The following CADPS2 variants were observed in gnomAD, a reference collection of about 807,000 sequenced individuals.
CADPS2 encodes calcium dependent secretion activator 2.
A neutral mutation model predicts 172.5 loss-of-function variants in CADPS2; 93 were observed. That is an observed-to-expected ratio of 0.54 (90% CI 0.46 to 0.64). The LOEUF is 0.64. Among genes scored for constraint, CADPS2 ranks in the 30% least tolerant of loss-of-function variants. The pLI, the probability that CADPS2 is intolerant of heterozygous loss-of-function variation, is 0.00. For synonymous variants in CADPS2, 546 were observed against 555.2 expected (o/e 0.98, Z 0.23); for missense variants, 1,420 against 1,565.9 (o/e 0.91, Z 1.57).
intron 1 of CADPS2, among the ~76,000 whole-genome samples, chr7:122,767,101 TTAAA>T (rs1330161896): frequency 2.6e-5 from 4 of 152,180 alleles, no homozygotes; most frequent in Non-Finnish European, 4.4e-5. Context: ...TTTAGTGCAA[TTAAA>T]TAGATTGTTT....
chr7:122,583,567 T>C lies in CADPS2; in HGVS notation c.1224-2277A>G, dbSNP rs560351221. The stretch of plus-strand genomic sequence containing the variant: ...CATATTTATTAGACACACACATAAA[T>C]ATATCAGAATATATGTGTGTGTATA... On this transcript the variant is annotated intron_variant, in intron 6 of 29. Coordinates refer to ENST00000449022, the MANE Select transcript of CADPS2 (RefSeq NM_017954.11). Among the ~76,000 whole-genome samples the C allele has an allele frequency of 7.3e-5, 11 of 151,462 alleles. No homozygotes were observed. In the South Asian group the frequency reaches 2.3e-3, roughly 31 times the overall value.
In CADPS2 at chr7:122,361,103, C is replaced by T. The variant is rs200486960; in HGVS notation, c.3388-90G>A. On this transcript the variant is annotated intron_variant, in intron 25 of 29. Transcript: ENST00000449022. ...CAATTCCTGAATCAATTTCTTCCAT[C>T]GCACAAAAATTCACAATGAATGAAC... The T allele has an allele frequency of 5.3e-5, 58 of 1,092,200 alleles. No individual in the cohort carries two copies. The East Asian group carries it at 5.3e-4, about 10-fold the overall frequency. The allele number at this position is 1,092,200 out of a possible 1,614,324, so 67.7% of individuals were successfully genotyped here.
intron 15 of CADPS2, among the ~76,000 whole-genome samples, chr7:122,450,077 A>G (rs1230482779): frequency 6.6e-6 from 1 of 152,214 alleles, no homozygotes; most frequent in Non-Finnish European, 1.5e-5. Context: ...AAGAATAATA[A>G]TGAGGCAATA....
intron 9 of CADPS2, among the ~76,000 whole-genome samples, chr7:122,503,353 G>C (rs2130518846): frequency 6.6e-6 from 1 of 152,218 alleles, no homozygotes; most frequent in Middle Eastern, 3.4e-3. Context: ...TTCAATGATT[G>C]CAAGTAGATA....
intron 2 of CADPS2, among the ~76,000 whole-genome samples, chr7:122,730,640 T>G (rs1318815658): frequency 1.3e-5 from 2 of 151,716 alleles, no homozygotes; most frequent in East Asian, 3.9e-4. Flanking sequence ...GTCATATAAA[T>G]CAGATTCCAG....
chr7:122,463,882 G>A (rs1447127603), intron 14 of CADPS2, among the ~76,000 whole-genome samples: 2 of 152,164 alleles, frequency 1.3e-5, no homozygotes, highest in Non-Finnish European at 2.9e-5. Flanking sequence ...TAAAGATAAG[G>A]AAGAAAAGCA....
chr7:122,325,088 T>C (rs2033543318), intron 29 of CADPS2, among the ~76,000 whole-genome samples: 1 of 152,122 alleles, frequency 6.6e-6, no homozygotes, highest in Non-Finnish European at 1.5e-5. Context: ...CTCTCCTTAT[T>C]CTTCTGGCAA....
chr7:122,651,807 T>C (rs1253002814), intron 3 of CADPS2, among the ~76,000 whole-genome samples: 1 of 152,190 alleles, frequency 6.6e-6, no homozygotes, highest in East Asian at 1.9e-4. Flanking sequence ...AGTTACTTAA[T>C]CATTTTAAGA....
At position 122,886,345 on chromosome 7, in the gene CADPS2, G is replaced by A. The variant is rs988297020; in HGVS notation, c.-8C>T. 2 of 1,492,008 alleles carry A rather than the reference G, an allele frequency of 1.3e-6. No individual in the cohort carries two copies. The highest frequency in any genetic ancestry group is 1.8e-6 in the Non-Finnish European group (2 of 1,129,744). The allele number at this position is 1,492,008 out of a possible 1,614,324, so 92.4% of individuals were successfully genotyped here. A position where few individuals can be genotyped will look rare whatever the true frequency, so the allele number is the denominator to read the frequency against. On this transcript the variant is annotated 5_prime_UTR_variant, in exon 1 of 30. Transcript: ENST00000449022. ...GGAAGACGGGTCCAGCATGGTGCTCGGGGATCCCCGCCGCTCGGCCCGCGG... is the reference window on the plus strand; with the variant it reads ...GGAAGACGGGTCCAGCATGGTGCTCAGGGATCCCCGCCGCTCGGCCCGCGG...
intron 1 of CADPS2, among the ~76,000 whole-genome samples, chr7:122,851,281 G>A (rs190629618): frequency 1.3e-3 from 196 of 152,184 alleles, no homozygotes; most frequent in Non-Finnish European, 2.1e-3. Flanking sequence ...TGTTCAACTG[G>A]GCCACTGAGG....
intron 25 of CADPS2, among the ~76,000 whole-genome samples, chr7:122,364,755 C>T (rs2040641060): frequency 6.6e-6 from 1 of 150,924 alleles, no homozygotes; most frequent in African/African-American, 2.4e-5. Flanking sequence ...CAATAAGTGT[C>T]ATTTTGTTTT....
intron 1 of CADPS2, among the ~76,000 whole-genome samples, chr7:122,802,774 G>A (rs1797937342): frequency 6.6e-6 from 1 of 152,006 alleles, no homozygotes; most frequent in South Asian, 2.1e-4. Flanking sequence ...AACCTACAGA[G>A]CCAAAGAATT....
At chr7:122,805,508 C>T (rs1798605833) in intron 1 of CADPS2, among the ~76,000 whole-genome samples, 1 of 152,088 alleles carries the variant, frequency 6.6e-6, no homozygotes, top group Admixed American at 6.6e-5. Flanking sequence ...AGTTTAGGTC[C>T]AGATGAGTAA....
At chr7:122,531,063 A>G (rs1415875595) in intron 8 of CADPS2, among the ~76,000 whole-genome samples, 2 of 152,218 alleles carry the variant, frequency 1.3e-5, no homozygotes, top group Non-Finnish European at 2.9e-5. Context: ...ATTTAAAGTC[A>G]GCAATCTTGA....
chr7:122,640,775 A>G (rs1025004928), intron 3 of CADPS2, among the ~76,000 whole-genome samples: 13 of 152,086 alleles, frequency 8.5e-5, no homozygotes, highest in Admixed American at 8.5e-4. Flanking sequence ...ACTAAAAAAA[A>G]TACAAAAAAT....
intron 11 of CADPS2, among the ~76,000 whole-genome samples, chr7:122,485,595 T>C (rs2057728572): frequency 6.6e-6 from 1 of 152,156 alleles, no homozygotes; most frequent in Admixed American, 6.5e-5. Context: ...AAAGAAGCCA[T>C]CTCTATTACA....
rs569713712 is a variant in CADPS2 at position 122,663,630 on chromosome 7, C to A, written c.454-61G>T. ...AATTACAATTAGGTGTAGATGCTAA[C>A]ACCACTTGCTTTCAGCAATCCAGCC... On this transcript the variant is annotated intron_variant, in intron 2 of 29. Transcript: ENST00000449022. 123 of 1,257,378 alleles carry A rather than the reference C, an allele frequency of 9.8e-5. 1 individual carries two copies. The African/African-American group carries it at 1.6e-3, about 16-fold the overall frequency. 77.9% of individuals were successfully genotyped at this position (1,257,378 alleles called of 1,614,324 possible). A position where few individuals can be genotyped will look rare whatever the true frequency, so the allele number is the denominator to read the frequency against.
chr7:122,784,736 T>C (rs1332321187), intron 1 of CADPS2, among the ~76,000 whole-genome samples: 1 of 152,106 alleles, frequency 6.6e-6, no homozygotes, highest in African/African-American at 2.4e-5. Flanking sequence ...TCTGGAGCCA[T>C]CTGTATATAT....
intron 17 of CADPS2, among the ~76,000 whole-genome samples, chr7:122,419,583 G>A (rs1267791299): frequency 6.6e-6 from 1 of 152,046 alleles, no homozygotes; most frequent in Non-Finnish European, 1.5e-5. Flanking sequence ...GGGGGAGAAA[G>A]ACCGTATCTT....
Sources: gnomAD v4.1 joint callset for allele counts (sites outside exome capture counted in the v4.1 genomes callset) on GRCh38, gnomAD v4.1.1 for gene constraint, MANE v1.5 for transcripts, NCBI Gene and HGNC (gene_info 2026-07-23, HGNC 2026-07-21) for gene names.